Variants in ACTN2 observed in about 807,000 individuals in gnomAD.
The protein encoded by ACTN2 is actinin alpha 2, also known as alpha-actinin-2.
ACTN2 carries 39 observed loss-of-function variants against 113.8 expected under a neutral mutation model. The observed-to-expected ratio is 0.34, with a 90% CI of 0.27 to 0.45. The LOEUF (loss-of-function observed/expected upper bound fraction) is 0.45. Ranked by LOEUF, ACTN2 falls within the 20% of genes least tolerant of loss-of-function variation. The pLI is 1.00. For missense variants in ACTN2, 992 were observed against 1,177.9 expected, an observed-to-expected ratio of 0.84 and a Z score of 2.31; for synonymous variants, 429 against 444.1, an observed-to-expected ratio of 0.97 and a Z score of 0.43.
intron 8 of ACTN2, among the ~76,000 whole-genome samples, chr1:236,736,179 G>A (rs76145476): frequency 0.015 from 2,241 of 152,354 alleles, 18 homozygotes; most frequent in Middle Eastern, 0.031. Context: ...GGGGATAACA[G>A]AGTTGGAACC....
At chr1:236,731,789 A>G (rs819641) in intron 7 of ACTN2, among the ~76,000 whole-genome samples, 60,676 of 152,060 alleles carry the variant, frequency 0.4, 13,182 homozygotes, top group African/African-American at 0.56. Context: ...TCAGTGTACC[A>G]TCCAAACTTT....
Position 236,716,904 on chromosome 1 carries a change from G to C in ACTN2, c.127-954G>C, listed in dbSNP as rs150323640. On this transcript the variant is annotated intron_variant, in intron 1 of 20. Transcript: ENST00000366578. ...GACTGGAGTGCAGTAGTATGATCTT[G>C]GCTTGCTGCAACCTCCGCCTCCTGG... Among the ~76,000 whole-genome samples the C allele has an allele frequency of 8.7e-4, 116 of 132,868 alleles. No individual in the cohort carries two copies. In the Admixed American group the frequency reaches 8.9e-3, roughly 10 times the overall value. 87.2% of individuals were successfully genotyped at this position (132,868 alleles called of 152,430 possible). A position where few individuals can be genotyped will look rare whatever the true frequency, so the allele number is the denominator to read the frequency against.
At chr1:236,740,310 C>T (rs1029646063) in intron 10 of ACTN2, among the ~76,000 whole-genome samples, 30 of 151,656 alleles carry the variant, frequency 2.0e-4, no homozygotes, top group African/African-American at 7.3e-4. Context: ...GAAGGGGTTT[C>T]ACCATGTTGG....
intron 15 of ACTN2, 82 bp from the exon 16 acceptor site, chr1:236,753,865 C>CA: frequency 7.2e-7 from 1 of 1,394,004 alleles, no homozygotes; most frequent in Non-Finnish European, 1.0e-6. Context: ...ACCCCCACCC[C>CA]TTGGACTATT....
At chr1:236,716,835 A>ATTTTT (rs36142948) in intron 1 of ACTN2, among the ~76,000 whole-genome samples, 2,168 of 116,328 alleles carry the variant, frequency 0.019, 168 homozygotes, top group East Asian at 0.047. Context: ...CATTTTGAAC[A>ATTTTT]TTTTTTTTTT....
At position 236,713,189 on chromosome 1, in the gene ACTN2, T is replaced by C. The variant is rs552025746; in HGVS notation, c.127-4669T>C. Among the ~76,000 whole-genome samples the C allele has an allele frequency of 6.6e-5, 10 of 152,042 alleles. No homozygotes were observed. In the East Asian group the frequency reaches 1.7e-3, roughly 26 times the overall value. ...TAAAAACAAAGAATTTATACTGATA[T>C]GGAATGATCTCTAGGTTATATATAT... On this transcript the variant is annotated intron_variant, in intron 1 of 20. Coordinates refer to ENST00000366578, the MANE Select transcript of ACTN2 (RefSeq NM_001103.4).
intron 1 of ACTN2, among the ~76,000 whole-genome samples, chr1:236,707,370 C>T (rs1216496629): frequency 1.3e-5 from 2 of 152,222 alleles, no homozygotes; most frequent in Non-Finnish European, 2.9e-5. Context: ...TGCTAAGCAA[C>T]AGCATGTTTT....
chr1:236,686,525 G>C lies in ACTN2; in HGVS notation c.-149G>C. 1 of 894,962 alleles carries C rather than the reference G, an allele frequency of 1.1e-6. No individual in the cohort carries two copies. Among genetic ancestry groups the C allele is most frequent in the Non-Finnish European group, 1.5e-6 (1 of 682,172 alleles). 55.4% of individuals were successfully genotyped at this position (894,962 alleles called of 1,614,324 possible). On this transcript the variant is annotated 5_prime_UTR_variant, in exon 1 of 21. Coordinates refer to ENST00000366578, the MANE Select transcript of ACTN2 (RefSeq NM_001103.4). The stretch of plus-strand genomic sequence containing the variant: ...GAGCTGGTGCTTCGCCCGAGACCCA[G>C]CGCCCAGGCGTGTCGCCCCGAGAGG...
intron 20 of ACTN2, 67 bp from the exon 21 acceptor site, chr1:236,762,394 G>A: frequency 6.3e-7 from 1 of 1,584,886 alleles, no homozygotes; most frequent in African/African-American, 1.3e-5. Flanking sequence ...AAATATGTAA[G>A]TATTAAGACT....
At chr1:236,753,759 T>G in intron 15 of ACTN2, 188 bp from the exon 16 acceptor site, 1 of 723,172 alleles carries the variant, frequency 1.4e-6, no homozygotes, top group South Asian at 1.6e-5. Context: ...TAAATCAAGC[T>G]CATCCTGTAG....
chr1:236,691,843 G>C (rs1666095086), intron 1 of ACTN2, among the ~76,000 whole-genome samples: 1 of 152,170 alleles, frequency 6.6e-6, no homozygotes, highest in Non-Finnish European at 1.5e-5. Flanking sequence ...GGATATGTCT[G>C]TGGCTCATGG....
chr1:236,743,007 A>G lies in ACTN2; in HGVS notation c.1219A>G (p.Arg407Gly), dbSNP rs1156429656. ...CTTGGAACACCTGGCTGAGAAGTTCAGGCAGAAGGCCTCAACGCACGAGAC... is the reference window on the plus strand; with the variant it reads ...CTTGGAACACCTGGCTGAGAAGTTCGGGCAGAAGGCCTCAACGCACGAGAC... ...ERLEHLAEKF[R>G]QKASTHETWA... Residue 407 changes from arginine (R) to glycine (G), a missense_variant, in exon 11 of 21, where the codon AGG becomes GGG. Arg to Gly is a moderately radical substitution (Grantham distance 125). Around this residue, in one of 3 missense-constraint regions of ACTN2, gnomAD observed 736 missense variants for 815.4 expected, o/e 0.90. Coordinates refer to ENST00000366578, the MANE Select transcript of ACTN2 (RefSeq NM_001103.4). The G allele has an allele frequency of 6.2e-7, 1 of 1,614,080 alleles. No homozygotes were observed. Among genetic ancestry groups the G allele is most frequent in the Non-Finnish European group, 8.5e-7 (1 of 1,180,048 alleles).
rs12136869 is a variant in ACTN2, at chr1:236,727,961, G to A, written c.615+205G>A. 0.034 allele frequency among the ~76,000 whole-genome samples: 5,208 copies of A among 152,044 alleles called. 121 individuals are homozygous for A. Among genetic ancestry groups the A allele is most frequent in the Non-Finnish European group, 0.053 (3,589 of 67,980 alleles). ...GAAAACACTTACCTCTTAAAATCAG[G>A]GAAAACAAGACCCAAAGTTAAGTCA... On this transcript the variant is annotated intron_variant, in intron 6 of 20. Coordinates refer to ENST00000366578, the MANE Select transcript of ACTN2 (RefSeq NM_001103.4).
At chr1:236,759,326 G>A (rs1016964327) in intron 18 of ACTN2, among the ~76,000 whole-genome samples, 1 of 152,196 alleles carries the variant, frequency 6.6e-6, no homozygotes, top group African/African-American at 2.4e-5. Flanking sequence ...ACATTGATTT[G>A]AATCCAAGAT....
intron 6 of ACTN2, among the ~76,000 whole-genome samples, chr1:236,728,751 G>A (rs538563498): frequency 1.3e-4 from 20 of 152,132 alleles, no homozygotes; most frequent in East Asian, 9.8e-4. Flanking sequence ...TTTTAAGGCC[G>A]GATGTGGTGG....
intron 1 of ACTN2, among the ~76,000 whole-genome samples, chr1:236,712,951 T>G (rs1366898783): frequency 6.6e-6 from 1 of 151,994 alleles, no homozygotes; most frequent in Non-Finnish European, 1.5e-5. Flanking sequence ...CTACTATTCT[T>G]TTGTGCCTTT....
In ACTN2 at chr1:236,736,597, GA is replaced by G. The variant is rs1221580424; in HGVS notation, c.784-524del. ...TAAAGCACACTCAGCTCTGTGGAAG[GA>G]TCCCCCTCCAGAAAGTTCTACATGT... On this transcript the variant is annotated intron_variant, in intron 8 of 20. Transcript: ENST00000366578. 5.4e-5 allele frequency: 79 copies of G among 1,471,130 alleles called. 1 individual carries two copies. In the East Asian group the frequency reaches 1.5e-3, roughly 28 times the overall value. 91.1% of individuals were successfully genotyped at this position (1,471,130 alleles called of 1,614,324 possible).
intron 1 of ACTN2, among the ~76,000 whole-genome samples, chr1:236,700,973 A>G (rs1313221215): frequency 6.6e-6 from 1 of 152,172 alleles, no homozygotes; most frequent in Non-Finnish European, 1.5e-5. Flanking sequence ...GTAGCCGGTG[A>G]CCTTGGGCAA....
intron 19 of ACTN2, 58 bp downstream of exon 19, chr1:236,759,847 G>C: frequency 1.3e-6 from 2 of 1,533,030 alleles, no homozygotes; most frequent in Non-Finnish European, 1.8e-6. Context: ...TTGGATTTCT[G>C]TTATAAAAGA....
Sources: gnomAD v4.1 joint callset for allele counts (sites outside exome capture counted in the v4.1 genomes callset) on GRCh38, gnomAD v4.1.1 for gene constraint, gnomAD v4.1.1 regional missense constraint, MANE v1.5 for transcripts, NCBI Gene and HGNC (gene_info 2026-07-23, HGNC 2026-07-21) for gene names.